Variants in PKP4 observed in about 807,000 individuals in gnomAD.
PKP4 encodes the protein plakophilin-4.
Under a neutral mutation model 145.1 loss-of-function variants are expected in PKP4, and 90 were observed. That is an observed-to-expected ratio of 0.62 (90% CI 0.52 to 0.74). The LOEUF (loss-of-function observed/expected upper bound fraction) is 0.74, where lower values mean the gene tolerates loss of function less well. Among genes scored for constraint, PKP4 ranks in the 30% least tolerant of loss-of-function variants. PKP4 has a pLI of 0.00. For missense variants in PKP4, 1,340 were observed against 1,482.7 expected, an observed-to-expected ratio of 0.90 and a Z score of 1.58; for synonymous variants, 563 against 577.2, an observed-to-expected ratio of 0.98 and a Z score of 0.35.
chr2:158,674,947 A>G (rs2057878696), intron 19 of PKP4, among the ~76,000 whole-genome samples: 1 of 152,174 alleles, frequency 6.6e-6, no homozygotes, highest in Admixed American at 6.6e-5. Flanking sequence ...TCCCCACTTG[A>G]ACTAGAATTT....
chr2:158,547,478 A>T (rs2045176101), intron 2 of PKP4, among the ~76,000 whole-genome samples: 1 of 152,184 alleles, frequency 6.6e-6, no homozygotes, highest in African/African-American at 2.4e-5. Context: ...TAACAACAGA[A>T]AGCAAGTCCA....
intron 11 of PKP4, among the ~76,000 whole-genome samples, chr2:158,643,723 A>AAAG (rs552999935): frequency 0.46 from 65,621 of 141,616 alleles, 16,587 homozygotes; most frequent in East Asian, 0.77. Context: ...AAAAAAAAAA[A>AAAG]AAAAAGAAAA....
chr2:158,461,184 A>C (rs1011890974), intron 1 of PKP4, among the ~76,000 whole-genome samples: 2 of 152,192 alleles, frequency 1.3e-5, no homozygotes, highest in Admixed American at 6.5e-5. Flanking sequence ...TTACCTTGTC[A>C]CTTTAATAAT....
At chr2:158,556,275 A>T (rs2046082364) in intron 2 of PKP4, among the ~76,000 whole-genome samples, 1 of 152,224 alleles carries the variant, frequency 6.6e-6, no homozygotes, top group African/African-American at 2.4e-5. Flanking sequence ...CTAATGGCTT[A>T]CAATTTAGTT....
chr2:158,663,551 G>A (rs964457009), intron 15 of PKP4, 106 bp downstream of exon 15: 1 of 946,880 alleles, frequency 1.1e-6, no homozygotes, highest in African/African-American at 1.6e-5. Flanking sequence ...GATGGTGAAA[G>A]GGTCACAGCT....
At chr2:158,594,612 C>G (rs1448240872) in intron 3 of PKP4, among the ~76,000 whole-genome samples, 1 of 152,062 alleles carries the variant, frequency 6.6e-6, no homozygotes, top group Non-Finnish European at 1.5e-5. Flanking sequence ...CAGAGAATTG[C>G]CCAGGATCTG....
At chr2:158,651,715 G>T (rs964818323) in intron 11 of PKP4, among the ~76,000 whole-genome samples, 4 of 151,802 alleles carry the variant, frequency 2.6e-5, no homozygotes, top group Admixed American at 6.6e-5. Flanking sequence ...AGGAGAAGCG[G>T]CATGGTCTCG....
rs866700047 is a variant in PKP4, at chr2:158,523,223, A to G, written c.-5-9957A>G. Among the ~76,000 whole-genome samples, 663 of 150,558 alleles carry G rather than the reference A, an allele frequency of 4.4e-3. 5 individuals are homozygous for G. Among genetic ancestry groups the G allele is most frequent in the African/African-American group, 0.015 (629 of 40,956 alleles). ...ACAGCAGTAACCTCTGCAGACTTAAATGTCCCTGTCTGACAGCTTTGAAGA... is the reference window on the plus strand; with the variant it reads ...ACAGCAGTAACCTCTGCAGACTTAAGTGTCCCTGTCTGACAGCTTTGAAGA... On this transcript the variant is annotated intron_variant, in intron 1 of 21. Transcript: ENST00000389759.
chr2:158,644,973 T>G (rs2105939408), intron 11 of PKP4, among the ~76,000 whole-genome samples: 1 of 152,342 alleles, frequency 6.6e-6, no homozygotes, highest in South Asian at 2.1e-4. Context: ...GTTTCCACTG[T>G]GAAATCAGAG....
chr2:158,468,573 T>C (rs1691021225), intron 1 of PKP4, among the ~76,000 whole-genome samples: 1 of 152,072 alleles, frequency 6.6e-6, no homozygotes, highest in South Asian at 2.1e-4. Flanking sequence ...ATAGGTAATA[T>C]TCTTGCAAAA....
At chr2:158,572,836 A>G (rs1457661967) in intron 2 of PKP4, among the ~76,000 whole-genome samples, 1 of 152,232 alleles carries the variant, frequency 6.6e-6, no homozygotes, top group Non-Finnish European at 1.5e-5. Flanking sequence ...AGAGAAATTT[A>G]AGGCCCAGAA....
intron 13 of PKP4, 62 bp downstream of exon 13, chr2:158,661,512 T>A (rs1383107798): frequency 1.9e-6 from 2 of 1,026,388 alleles, no homozygotes; most frequent in Non-Finnish European, 3.1e-6. Flanking sequence ...CTGGTGCCAC[T>A]ATTTGCATGC....
chr2:158,577,208 C>A (rs2047927020), intron 2 of PKP4, 63 bp from the exon 3 acceptor site: 5 of 955,232 alleles, frequency 5.2e-6, no homozygotes, highest in Non-Finnish European at 8.2e-6. Context: ...TACATTAATT[C>A]ATATATCTGC....
Position 158,625,326 on chromosome 2 carries a change from G to C in PKP4, c.1052G>C (p.Gly351Ala), listed in dbSNP as rs577846444. The change falls in exon 7 of 22, where the codon GGA (glycine) becomes GCA (alanine). Residue 351 changes from glycine (G) to alanine (A), a missense_variant. Physicochemically the swap from Gly to Ala is moderately conservative, Grantham distance 60. Transcript: ENST00000389759. ...SGMTAVPQHL[G>A]PSLQRTVHDM... Reference sequence around the variant, plus strand: ...ATGACCGCCGTACCACAGCATCTGGGACCTTCACTGCAAAGGACTGTTCAT... The same window carrying C: ...ATGACCGCCGTACCACAGCATCTGGCACCTTCACTGCAAAGGACTGTTCAT... 2 of 1,614,162 alleles carry C rather than the reference G, an allele frequency of 1.2e-6. No individual in the cohort carries two copies. Among genetic ancestry groups the C allele is most frequent in the South Asian group, 2.2e-5 (2 of 91,076 alleles).
At chr2:158,664,319 T>A (rs2105986996) in intron 15 of PKP4, among the ~76,000 whole-genome samples, 1 of 152,292 alleles carries the variant, frequency 6.6e-6, no homozygotes, top group South Asian at 2.1e-4. Context: ...GTCTAAGGTT[T>A]CTGCATCTTT....
At chr2:158,633,241 A>G (rs2053536786) in intron 8 of PKP4, among the ~76,000 whole-genome samples, 1 of 152,272 alleles carries the variant, frequency 6.6e-6, no homozygotes, top group Non-Finnish European at 1.5e-5. Flanking sequence ...GTTTTCCTAT[A>G]CATTCATTCA....
chr2:158,507,346 A>G (rs933396365), intron 1 of PKP4, among the ~76,000 whole-genome samples: 1 of 152,156 alleles, frequency 6.6e-6, no homozygotes, highest in East Asian at 1.9e-4. Flanking sequence ...TTGTGATGTA[A>G]TTTCAGTAGC....
rs191763086 is a variant in PKP4 at position 158,566,388 on chromosome 2, G to A, written c.133-10883G>A. ...TCCATTTCAGCAAATAATGATTTATGCGGACTATTATCATATACTGTGTAG... is the reference window on the plus strand; with the variant it reads ...TCCATTTCAGCAAATAATGATTTATACGGACTATTATCATATACTGTGTAG... On this transcript the variant is annotated intron_variant, in intron 2 of 21. Coordinates refer to ENST00000389759, the MANE Select transcript of PKP4 (RefSeq NM_003628.6). 8.0e-4 allele frequency among the ~76,000 whole-genome samples: 122 copies of A among 152,084 alleles called. 1 individual carries two copies. The highest frequency in any genetic ancestry group is 6.9e-3 in the Admixed American group (105 of 15,268).
intron 4 of PKP4, among the ~76,000 whole-genome samples, chr2:158,617,701 T>C (rs2051778691): frequency 6.6e-6 from 1 of 152,210 alleles, no homozygotes; most frequent in Non-Finnish European, 1.5e-5. Flanking sequence ...ACCTGAGATA[T>C]GATGTCTGTG....
Sources: gnomAD v4.1 joint callset for allele counts (sites outside exome capture counted in the v4.1 genomes callset) on GRCh38, gnomAD v4.1.1 for gene constraint, MANE v1.5 for transcripts, NCBI Gene and HGNC (gene_info 2026-07-23, HGNC 2026-07-21) for gene names.